RBM47: variants seen among roughly 807,000 people sequenced by gnomAD.
RBM47 encodes RNA binding motif protein 47.
A neutral mutation model predicts 47.1 loss-of-function variants in RBM47; 21 were observed. The ratio of observed to expected loss-of-function variants is 0.45; its 90% CI spans 0.32 to 0.64. RBM47 has a LOEUF of 0.64. Ranked by LOEUF, RBM47 falls within the 30% of genes least tolerant of loss-of-function variation. The pLI, the probability that RBM47 is intolerant of heterozygous loss-of-function variation, is 0.05. For synonymous variants in RBM47, 375 were observed against 361.7 expected, an observed-to-expected ratio of 1.04 and a Z score of -0.42; for missense variants, 708 against 870.9, an observed-to-expected ratio of 0.81 and a Z score of 2.35.
chr4:40,604,713 C>CG (rs1313849488), intron 1 of RBM47, among the ~76,000 whole-genome samples: 1 of 125,526 alleles, frequency 8.0e-6, no homozygotes, highest in East Asian at 2.7e-4. Context: ...CCACATGGCT[C>CG]TTTGTTGTTG....
In RBM47 at chr4:40,437,785, T is replaced by C. The variant is rs2154213109; in HGVS notation, c.1109A>G (p.Asp370Gly). The change falls in exon 4 of 7, where the codon GAC becomes GGC. Residue 370 changes from aspartate to glycine, a missense_variant. Physicochemically the swap from Asp to Gly is moderately conservative, Grantham distance 94. Coordinates refer to ENST00000295971, the MANE Select transcript of RBM47 (RefSeq NM_001098634.2). ...PYNALIGPNR[D>G]YFVKAGSIRG... ...CCCCCACTAACCTTTCACAAAGTAG[T>C]CCCTGTTGGGCCCAATGAGCGCGTT... 6.2e-7 allele frequency: 1 copy of C among 1,601,876 alleles called. No homozygotes were observed. Among genetic ancestry groups the C allele is most frequent in the Non-Finnish European group, 8.5e-7 (1 of 1,170,064 alleles).
rs188092082 is a variant in RBM47 at position 40,527,682 on chromosome 4, C to A, written c.-155+16740G>T. ...CCTCAACTGGTAACGCCCGCCTCAG[C>A]CTCCCAGGACAAATGAAGTTTAAAA... is the stretch of plus-strand genomic sequence containing the variant. On this transcript the variant is annotated intron_variant, in intron 2 of 6. Transcript: ENST00000295971. Among the ~76,000 whole-genome samples, 561 of 147,072 alleles carry A rather than the reference C, an allele frequency of 3.8e-3. 6 individuals are homozygous for A. The highest frequency in any genetic ancestry group is 0.014 in the African/African-American group (533 of 39,404).
At chr4:40,494,661 A>G (rs1479460747) in intron 2 of RBM47, among the ~76,000 whole-genome samples, 1 of 151,966 alleles carries the variant, frequency 6.6e-6, no homozygotes, top group African/African-American at 2.4e-5. Context: ...TCTCCTGTGC[A>G]CTCACCTTCC....
intron 2 of RBM47, among the ~76,000 whole-genome samples, chr4:40,481,598 C>T (rs1261472610): frequency 6.7e-6 from 1 of 150,320 alleles, no homozygotes; most frequent in Non-Finnish European, 1.5e-5. Flanking sequence ...GTTGCCCAGG[C>T]TAGAGTGCAG....
intron 1 of RBM47, among the ~76,000 whole-genome samples, chr4:40,573,718 A>G (rs1731967606): frequency 6.7e-6 from 1 of 149,712 alleles, no homozygotes; most frequent in African/African-American, 2.5e-5. Context: ...GAAGAGACAG[A>G]GCAAGGCTCT....
chr4:40,449,314 G>A (rs1715042887), intron 3 of RBM47, among the ~76,000 whole-genome samples: 1 of 152,196 alleles, frequency 6.6e-6, no homozygotes, highest in Admixed American at 6.5e-5. Context: ...AATCCTGGGA[G>A]GTTGAAGATA....
intron 1 of RBM47, among the ~76,000 whole-genome samples, chr4:40,592,396 G>T (rs1240772613): frequency 1.3e-5 from 2 of 150,514 alleles, no homozygotes; most frequent in East Asian, 3.9e-4. Flanking sequence ...TAGGACCACA[G>T]GCATCCACCT....
In RBM47 at chr4:40,425,650, A is replaced by G; in HGVS notation, c.*254T>C. ...TATACAAATGTAGTACAGCATACAAATTTTTAAAAGATGGAATGAAGGCAC... is the reference window on the plus strand; with the variant it reads ...TATACAAATGTAGTACAGCATACAAGTTTTTAAAAGATGGAATGAAGGCAC... On this transcript the variant is annotated 3_prime_UTR_variant, in exon 7 of 7. Coordinates refer to ENST00000295971, the MANE Select transcript of RBM47 (RefSeq NM_001098634.2). The G allele has an allele frequency of 4.5e-6, 2 of 439,936 alleles. No homozygotes were observed. The highest frequency in any genetic ancestry group is 4.0e-6 in the Non-Finnish European group (1 of 248,100). 27.3% of individuals were successfully genotyped at this position (439,936 alleles called of 1,614,324 possible). A position where few individuals can be genotyped will look rare whatever the true frequency, so the allele number is the denominator to read the frequency against.
intron 1 of RBM47, among the ~76,000 whole-genome samples, chr4:40,548,621 C>T (rs983341995): frequency 6.6e-6 from 1 of 152,114 alleles, no homozygotes; most frequent in Admixed American, 6.5e-5. Flanking sequence ...TGCCCAAGGG[C>T]ATTATGTAGG....
At chr4:40,550,766 T>C (rs947274096) in intron 1 of RBM47, among the ~76,000 whole-genome samples, 2 of 151,944 alleles carry the variant, frequency 1.3e-5, no homozygotes, top group African/African-American at 2.4e-5. Flanking sequence ...GGACGGAAGA[T>C]AGAGGAAAAA....
chr4:40,431,470 G>A lies in RBM47; in HGVS notation c.1542+1181C>T, dbSNP rs376905314. ...TCAGGAGATTGAGACTATCCTGGCTGACACGGTGAAACCCCGTCTCTACTA... is the reference window on the plus strand; with the variant it reads ...TCAGGAGATTGAGACTATCCTGGCTAACACGGTGAAACCCCGTCTCTACTA... On this transcript the variant is annotated intron_variant, in intron 6 of 6. Coordinates refer to ENST00000295971, the MANE Select transcript of RBM47 (RefSeq NM_001098634.2). Among the ~76,000 whole-genome samples the A allele has an allele frequency of 5.3e-3, 800 of 152,130 alleles. 3 individuals carry two copies. The highest frequency in any genetic ancestry group is 0.012 in the South Asian group (56 of 4,828).
At chr4:40,545,527 G>C (rs909824320) in intron 1 of RBM47, among the ~76,000 whole-genome samples, 1 of 150,140 alleles carries the variant, frequency 6.7e-6, no homozygotes, top group Non-Finnish European at 1.5e-5. Flanking sequence ...AACCAGGCGT[G>C]GTGGTGGGCA....
intron 1 of RBM47, among the ~76,000 whole-genome samples, chr4:40,595,298 C>T (rs1734645444): frequency 6.6e-6 from 1 of 151,822 alleles, no homozygotes; most frequent in Non-Finnish European, 1.5e-5. Context: ...AGTTCGAGAC[C>T]AGCCTGACCA....
At chr4:40,512,413 C>CAAA (rs33930819) in intron 2 of RBM47, among the ~76,000 whole-genome samples, 1 of 56,126 alleles carries the variant, frequency 1.8e-5, no homozygotes, top group African/African-American at 7.9e-5. Flanking sequence ...AACTCCATCT[C>CAAA]AAAAAAAAAA....
intron 6 of RBM47, among the ~76,000 whole-genome samples, chr4:40,430,757 G>T (rs886901378): frequency 6.6e-6 from 1 of 152,154 alleles, no homozygotes; most frequent in Non-Finnish European, 1.5e-5. Flanking sequence ...CAGTTTGACC[G>T]AATTGGAATC....
At chr4:40,588,261 A>T (rs1001171499) in intron 1 of RBM47, among the ~76,000 whole-genome samples, 1 of 152,166 alleles carries the variant, frequency 6.6e-6, no homozygotes, top group Admixed American at 6.6e-5. Flanking sequence ...CTTTGGGGGG[A>T]ACATTCCAGC....
intron 3 of RBM47, among the ~76,000 whole-genome samples, chr4:40,450,157 C>T (rs534076258): frequency 3.3e-4 from 50 of 152,262 alleles, no homozygotes; most frequent in Admixed American, 7.2e-4. Flanking sequence ...CTTACCTTGG[C>T]TCCTTTGACC....
At chr4:40,579,589 G>A (rs1321661914) in intron 1 of RBM47, among the ~76,000 whole-genome samples, 1 of 151,990 alleles carries the variant, frequency 6.6e-6, no homozygotes, top group African/African-American at 2.4e-5. Context: ...ACCTATTTTA[G>A]GGAGATGATA....
At chr4:40,603,326 C>A (rs1226690800) in intron 1 of RBM47, among the ~76,000 whole-genome samples, 1 of 152,060 alleles carries the variant, frequency 6.6e-6, no homozygotes, top group Non-Finnish European at 1.5e-5. Flanking sequence ...AATGAATAAG[C>A]CACAATTTTT....
Sources: allele counts gnomAD v4.1 joint callset (sites outside exome capture counted in the v4.1 genomes callset), GRCh38; gene constraint gnomAD v4.1.1; transcripts MANE v1.5; gene names NCBI Gene and HGNC (gene_info 2026-07-23, HGNC 2026-07-21).